RBM34: variants seen among roughly 807,000 people sequenced by gnomAD.
RBM34 encodes the protein RNA binding motif protein 34, also known as RNA-binding protein 34.
A neutral mutation model predicts 44.6 loss-of-function variants in RBM34; 39 were observed. The ratio of observed to expected loss-of-function variants is 0.87; its 90% CI spans 0.68 to 1.14. The LOEUF (loss-of-function observed/expected upper bound fraction) is 1.14, where lower values mean the gene tolerates loss of function less well. Ranked by LOEUF, RBM34 falls within the 50% of genes most tolerant of loss-of-function variation. The pLI is 0.00. For synonymous variants in RBM34, 194 were observed against 184.0 expected, an observed-to-expected ratio of 1.05 and a Z score of -0.44; for missense variants, 572 against 517.9, an observed-to-expected ratio of 1.10 and a Z score of -1.01.
rs1661449215 is a variant in RBM34, at chr1:235,136,768, C to T, written c.850-695G>A. ...ATAGCTCCTGAACAAAATCCAGACT[C>T]CTCTGTGTGAAGCACGGTAGACAAG... On this transcript the variant is annotated intron_variant, in intron 8 of 10. Coordinates refer to ENST00000408888, the MANE Select transcript of RBM34 (RefSeq NM_015014.4). Among the ~76,000 whole-genome samples the T allele has an allele frequency of 1.3e-5, 2 of 152,250 alleles. 1 individual carries two copies. The highest frequency in any genetic ancestry group is 4.1e-4 in the South Asian group (2 of 4,832).
chr1:235,132,924 A>G (rs540621431), intron 10 of RBM34, among the ~76,000 whole-genome samples: 2 of 152,356 alleles, frequency 1.3e-5, no homozygotes, highest in Admixed American at 1.3e-4. Flanking sequence ...CGCTGTGACA[A>G]TCTTTCTAAA....
intron 6 of RBM34, 151 bp from the exon 7 acceptor site, chr1:235,138,325 T>C: frequency 1.6e-6 from 1 of 616,540 alleles, no homozygotes; most frequent in Non-Finnish European, 2.8e-6. Flanking sequence ...TGAATAAATA[T>C]TTAGTAATAA....
rs1479296927 is a variant in RBM34 at position 235,160,757 on chromosome 1, AAG to A, written c.229-112_229-111del. 10 of 1,497,496 alleles carry A rather than the reference AAG, an allele frequency of 6.7e-6. No individual in the cohort carries two copies. In the African/African-American group the frequency reaches 1.4e-4, roughly 21 times the overall value. The allele number at this position is 1,497,496 out of a possible 1,614,324, so 92.8% of individuals were successfully genotyped here. On this transcript the variant is annotated intron_variant, in intron 2 of 10. Coordinates refer to ENST00000408888, the MANE Select transcript of RBM34 (RefSeq NM_015014.4). ...AATCTCTTCTCTCTCACTGGTATGTAAGAGTCATGAAAGGTTACTTAAAATGA... is the reference window on the plus strand; with the variant it reads ...AATCTCTTCTCTCTCACTGGTATGTAAGTCATGAAAGGTTACTTAAAATGA...
intron 6 of RBM34, among the ~76,000 whole-genome samples, chr1:235,140,471 G>A (rs1267981281): frequency 6.6e-6 from 1 of 152,232 alleles, no homozygotes; most frequent in African/African-American, 2.4e-5. Flanking sequence ...GGGTCCCCCA[G>A]CAGTGCCAAC....
In RBM34 at chr1:235,161,228, C is replaced by G. The variant is rs1182920321; in HGVS notation, c.-2G>C. 5 of 1,613,494 alleles carry G rather than the reference C, an allele frequency of 3.1e-6. No individual in the cohort carries two copies. The Middle Eastern group carries it at 5.0e-4, about 160-fold the overall frequency. On this transcript the variant is annotated 5_prime_UTR_variant, in exon 1 of 11. Coordinates refer to ENST00000408888, the MANE Select transcript of RBM34 (RefSeq NM_015014.4). ...TTTGCTCATCCCTTCCAAGGCCATT[C>G]TTACTCCAAAGACTCCCAGACTGCA...
At chr1:235,150,504 A>G (rs1460194957) in intron 5 of RBM34, among the ~76,000 whole-genome samples, 2 of 152,198 alleles carry the variant, frequency 1.3e-5, no homozygotes, top group Admixed American at 6.5e-5. Context: ...ATTTTTAGCC[A>G]CATACTGAAA....
chr1:235,135,050 T>G (rs1400207704), intron 10 of RBM34, among the ~76,000 whole-genome samples: 2 of 138,184 alleles, frequency 1.4e-5, no homozygotes, highest in Non-Finnish European at 3.1e-5. Flanking sequence ...GGCCGGTTTG[T>G]TTTTTTTTTT....
At chr1:235,155,628 C>G (rs1395761803) in intron 3 of RBM34, among the ~76,000 whole-genome samples, 3 of 150,572 alleles carry the variant, frequency 2.0e-5, no homozygotes, top group African/African-American at 7.4e-5. Flanking sequence ...CCACAGCCTC[C>G]CAAGTAGCTG....
At chr1:235,159,441 A>AG (rs1375373745) in intron 3 of RBM34, among the ~76,000 whole-genome samples, 1 of 151,482 alleles carries the variant, frequency 6.6e-6, no homozygotes, top group East Asian at 1.9e-4. Flanking sequence ...CCAGCTGCTC[A>AG]GTAGGCTGAG....
At chr1:235,142,773 C>T (rs1213366940) in intron 6 of RBM34, among the ~76,000 whole-genome samples, 2 of 150,626 alleles carry the variant, frequency 1.3e-5, no homozygotes, top group East Asian at 4.0e-4. Flanking sequence ...ACTAAAAATA[C>T]AAAAATGACC....
chr1:235,132,914 C>T (rs899504105), intron 10 of RBM34, among the ~76,000 whole-genome samples: 7 of 152,148 alleles, frequency 4.6e-5, no homozygotes, highest in African/African-American at 9.7e-5. Flanking sequence ...TGGCAACAAA[C>T]GCTGTGACAA....
At chr1:235,152,475 T>C in intron 5 of RBM34, 2 of 1,245,432 alleles carry the variant, frequency 1.6e-6, no homozygotes, top group Non-Finnish European at 2.0e-6. Flanking sequence ...CAAAGTACAT[T>C]GCAGGCTTTC....
intron 6 of RBM34, among the ~76,000 whole-genome samples, chr1:235,141,374 G>C (rs1438024885): frequency 6.6e-6 from 1 of 152,188 alleles, no homozygotes; most frequent in African/African-American, 2.4e-5. Context: ...GTGGGGCCTT[G>C]GAGAACCTTT....
Position 235,135,238 on chromosome 1 carries a change from T to TC in RBM34, c.1008+413_1008+414insG, listed in dbSNP as rs1483640718. Among the ~76,000 whole-genome samples, 9 of 143,846 alleles carry TC rather than the reference T, an allele frequency of 6.3e-5. 1 individual carries two copies. Among genetic ancestry groups the TC allele is most frequent in the African/African-American group, 2.1e-4 (8 of 37,966 alleles). 94.4% of individuals were successfully genotyped at this position (143,846 alleles called of 152,430 possible). On this transcript the variant is annotated intron_variant, in intron 10 of 10. Transcript: ENST00000408888. ...TTTTAAATTTTTTGTATTTTTTTTT[T>TC]TCCCCCTTGAGATGGAGTCTTGCTC... is the stretch of plus-strand genomic sequence containing the variant.
intron 4 of RBM34, 52 bp downstream of exon 4, chr1:235,154,829 A>G (rs1258017686): frequency 7.1e-7 from 1 of 1,409,922 alleles, no homozygotes; most frequent in Admixed American, 1.7e-5. Flanking sequence ...TATTCAACAC[A>G]GGAAGAACAA....
Position 235,161,218 on chromosome 1 carries a change from C to A in RBM34, c.9G>T (p.Leu3Phe), listed in dbSNP as rs375853795. The A allele has an allele frequency of 1.3e-5, 21 of 1,612,890 alleles. No individual in the cohort carries two copies. The highest frequency in any genetic ancestry group is 1.1e-4 in the African/African-American group (8 of 74,896). MA[L>F]EGMSKRKRKR... ...TTCTCTTCCGTTTGCTCATCCCTTC[C>A]AAGGCCATTCTTACTCCAAAGACTC... The change falls in exon 1 of 11, where the codon TTG becomes TTT. Residue 3 changes from leucine (L) to phenylalanine (F), a missense_variant. Leu to Phe is a conservative substitution (Grantham distance 22). Transcript: ENST00000408888.
At chr1:235,159,610 C>T (rs1374820055) in intron 3 of RBM34, among the ~76,000 whole-genome samples, 1 of 151,422 alleles carries the variant, frequency 6.6e-6, no homozygotes, top group African/African-American at 2.4e-5. Flanking sequence ...TGGCTCATGC[C>T]TATAATCCCT....
In RBM34 at chr1:235,135,677, T is replaced by G; in HGVS notation, c.983A>C (p.Lys328Thr). Residue 328 changes from lysine (K) to threonine (T), a missense_variant, in exon 10 of 11, where the codon AAA (lysine) becomes ACA (threonine). Transcript: ENST00000408888. ...CTCAAAGAGCACATAGCCAAACCCT[T>G]TGCCGATGCCTGTCATTTTGTCTCT... ...IVRDKMTGIG[K>T]GFGYVLFENT... 7 of 1,614,136 alleles carry G rather than the reference T, an allele frequency of 4.3e-6. No homozygotes were observed. Among genetic ancestry groups the G allele is most frequent in the Non-Finnish European group, 5.9e-6 (7 of 1,179,960 alleles).
intron 5 of RBM34, among the ~76,000 whole-genome samples, chr1:235,148,755 C>T (rs1412582337): frequency 6.6e-6 from 1 of 151,894 alleles, no homozygotes; most frequent in Non-Finnish European, 1.5e-5. Flanking sequence ...CCCGCCACCA[C>T]GCCCGGCTAA....
Sources: allele counts gnomAD v4.1 joint callset (sites outside exome capture counted in the v4.1 genomes callset), GRCh38; gene constraint gnomAD v4.1.1; transcripts MANE v1.5; gene names NCBI Gene and HGNC (gene_info 2026-07-23, HGNC 2026-07-21).